The following FARP1 variants were observed in gnomAD, a reference collection of about 807,000 sequenced individuals.
FARP1 encodes FERM, ARHGEF and pleckstrin domain-containing protein 1.
A neutral mutation model predicts 128.8 loss-of-function variants in FARP1; 52 were observed. That is an observed-to-expected ratio of 0.40 (90% CI 0.32 to 0.51). The LOEUF (loss-of-function observed/expected upper bound fraction) is 0.51, where lower values mean the gene tolerates loss of function less well. Among genes scored for constraint, FARP1 ranks in the 20% least tolerant of loss-of-function variants. The probability of loss-of-function intolerance (pLI) is 0.45; values close to 1 mark genes in which losing one functional copy is unlikely to be tolerated. For missense variants in FARP1, 1,333 were observed against 1,367.9 expected, an observed-to-expected ratio of 0.97 and a Z score of 0.40; for synonymous variants, 580 against 551.8, an observed-to-expected ratio of 1.05 and a Z score of -0.72.
chr13:98,291,812 C>G (rs1349007908), intron 2 of FARP1, among the ~76,000 whole-genome samples: 2 of 152,232 alleles, frequency 1.3e-5, no homozygotes, highest in African/African-American at 4.8e-5. Context: ...CCAACTCTCT[C>G]TTGGTCATTC....
At chr13:98,369,522 C>G (rs370865513) in intron 5 of FARP1, among the ~76,000 whole-genome samples, 1 of 151,964 alleles carries the variant, frequency 6.6e-6, no homozygotes, top group Non-Finnish European at 1.5e-5. Context: ...CCGCTCCCCC[C>G]ACCCCACAAC....
intron 17 of FARP1, among the ~76,000 whole-genome samples, chr13:98,429,682 A>G (rs1158466611): frequency 6.6e-6 from 1 of 152,012 alleles, no homozygotes; most frequent in African/African-American, 2.4e-5. Flanking sequence ...GGCAGGAGGA[A>G]GTGGGCATGT....
rs1893195927 is a variant in FARP1 at position 98,451,611 on chromosome 13, C to T, written c.*3294C>T. The T allele has an allele frequency of 6.6e-6, 1 of 152,230 alleles. No individual in the cohort carries two copies. Among genetic ancestry groups the T allele is most frequent in the Non-Finnish European group, 1.5e-5 (1 of 68,070 alleles). The allele number at this position is 152,230 out of a possible 1,614,324, so 9.4% of individuals were successfully genotyped here. On this transcript the variant is annotated 3_prime_UTR_variant, in exon 27 of 27. Transcript: ENST00000319562. ...CCCTATAGCTTAGAGGCCACTAGAC[C>T]AGCAGATAGCTGAGCTACATCCCCA...
chr13:98,160,053 C>G (rs1349125488), intron 1 of FARP1, among the ~76,000 whole-genome samples: 4 of 152,170 alleles, frequency 2.6e-5, no homozygotes, highest in Non-Finnish European at 5.9e-5. Context: ...AGATACTGAC[C>G]TATCTGATAC....
chr13:98,294,335 A>C (rs551359051), intron 2 of FARP1, among the ~76,000 whole-genome samples: 2 of 152,294 alleles, frequency 1.3e-5, no homozygotes, highest in East Asian at 3.9e-4. Context: ...TGATAAGATA[A>C]GGGTTCAACC....
chr13:98,356,751 G>T (rs1888662029), intron 3 of FARP1, among the ~76,000 whole-genome samples: 1 of 151,812 alleles, frequency 6.6e-6, no homozygotes, highest in African/African-American at 2.4e-5. Context: ...TGATTCTCCT[G>T]CCTCAGCCTC....
At chr13:98,232,876 A>T (rs868099485) in intron 2 of FARP1, among the ~76,000 whole-genome samples, 2 of 152,174 alleles carry the variant, frequency 1.3e-5, no homozygotes, top group East Asian at 3.9e-4. Context: ...TCAATCTCTA[A>T]TGGTTTCCCT....
At chr13:98,287,204 A>AGGCCTTTTTT (rs1327624660) in intron 2 of FARP1, among the ~76,000 whole-genome samples, 4 of 114,844 alleles carry the variant, frequency 3.5e-5, no homozygotes, top group Non-Finnish European at 5.5e-5. Flanking sequence ...ACCATCAGAC[A>AGGCCTTTTTT]TGTCTTTTTT....
rs570676376 is a variant in FARP1 at position 98,234,586 on chromosome 13, T to C, written c.171+21173T>C. 1.7e-3 allele frequency: 255 copies of C among 152,338 alleles called. 2 individuals are homozygous for C. The highest frequency in any genetic ancestry group is 6.0e-3 in the African/African-American group (249 of 41,578). The allele number at this position is 152,338 out of a possible 1,614,324, so 9.4% of individuals were successfully genotyped here. ...ACCTGATGGAGTGATAGTGTGTTAG[T>C]TATTATGGAAATATTGTGGACAATT... On this transcript the variant is annotated intron_variant, in intron 2 of 26. Coordinates refer to ENST00000319562, the MANE Select transcript of FARP1 (RefSeq NM_005766.4).
intron 2 of FARP1, among the ~76,000 whole-genome samples, chr13:98,287,208 C>CTTTTTTTTTTTTTTTTTTTTTTTTTTT (rs71111939): frequency 1.3e-5 from 1 of 75,814 alleles, no homozygotes; most frequent in Non-Finnish European, 2.4e-5. Flanking sequence ...TCAGACATGT[C>CTTTTTTTTTTTTTTTTTTTTTTTTTTT]TTTTTTTTTT....
chr13:98,360,181 C>T (rs144598482), intron 3 of FARP1, among the ~76,000 whole-genome samples: 3,525 of 150,742 alleles, frequency 0.023, 146 homozygotes, highest in African/African-American at 0.082. Context: ...CTGCAAGCTC[C>T]GCCTCCTGGG....
chr13:98,371,863 G>A (rs1017266482), intron 5 of FARP1, among the ~76,000 whole-genome samples: 5 of 152,244 alleles, frequency 3.3e-5, no homozygotes, highest in Middle Eastern at 3.4e-3. Context: ...GGGCCTCCAG[G>A]AATAGCTCTT....
intron 2 of FARP1, among the ~76,000 whole-genome samples, chr13:98,312,195 G>C (rs193106521): frequency 0.023 from 3,281 of 140,720 alleles, 122 homozygotes; most frequent in African/African-American, 0.082. Flanking sequence ...GGCTGGAGTG[G>C]AGTGGCGTGA....
At chr13:98,276,580 A>C (rs1884664706) in intron 2 of FARP1, among the ~76,000 whole-genome samples, 1 of 152,338 alleles carries the variant, frequency 6.6e-6, no homozygotes, top group Non-Finnish European at 1.5e-5. Flanking sequence ...TTCTTGCTTA[A>C]AAGCATCTTT....
intron 1 of FARP1, among the ~76,000 whole-genome samples, chr13:98,178,475 C>A (rs998213727): frequency 6.6e-6 from 1 of 152,174 alleles, no homozygotes; most frequent in Non-Finnish European, 1.5e-5. Context: ...GTATTACAGG[C>A]GTGAGCCACT....
intron 11 of FARP1, 60 bp from the exon 12 acceptor site, chr13:98,393,582 AC>A (rs1191188530): frequency 1.1e-5 from 15 of 1,355,964 alleles, no homozygotes; most frequent in Admixed American, 1.7e-5. Flanking sequence ...TTCATTTAAA[AC>A]CAAGGAAAAA....
chr13:98,438,831 A>C lies in FARP1; in HGVS notation c.2302A>C (p.Lys768Gln). The change falls in exon 20 of 27, where the codon AAG becomes CAG. Residue 768 changes from lysine (K) to glutamine (Q), a missense_variant. By Grantham distance (53) the Lys-to-Gln change is moderately conservative. Coordinates refer to ENST00000319562, the MANE Select transcript of FARP1 (RefSeq NM_005766.4). ...REFIRLGSLS[K>Q]LSGKGLQQRM... Reference sequence around the variant, plus strand: ...GTTCATCCGTCTGGGCAGCCTCAGCAAGCTCTCGGGGAAGGGGCTCCAGCA... The same window carrying C: ...GTTCATCCGTCTGGGCAGCCTCAGCCAGCTCTCGGGGAAGGGGCTCCAGCA... 6.2e-7 allele frequency: 1 copy of C among 1,613,092 alleles called. No individual in the cohort carries two copies. Among genetic ancestry groups the C allele is most frequent in the Admixed American group, 1.7e-5 (1 of 60,002 alleles).
At chr13:98,361,070 A>C (rs1283093447) in intron 3 of FARP1, among the ~76,000 whole-genome samples, 1 of 152,178 alleles carries the variant, frequency 6.6e-6, no homozygotes, top group Admixed American at 6.5e-5. Flanking sequence ...CTGCATAGCA[A>C]AGGCCAGTGC....
chr13:98,179,357 A>G (rs1319468655), intron 1 of FARP1, among the ~76,000 whole-genome samples: 1 of 152,232 alleles, frequency 6.6e-6, no homozygotes, highest in Admixed American at 6.5e-5. Context: ...CTCTCCCACA[A>G]CACAAGAGAA....
Sources: allele counts gnomAD v4.1 joint callset (sites outside exome capture counted in the v4.1 genomes callset), GRCh38; gene constraint gnomAD v4.1.1; transcripts MANE v1.5; gene names NCBI Gene and HGNC (gene_info 2026-07-23, HGNC 2026-07-21).